TRIM2: variants seen among roughly 807,000 people sequenced by gnomAD.
TRIM2 encodes tripartite motif containing 2.
TRIM2 carries 20 observed loss-of-function variants against 75.2 expected under a neutral mutation model. That is an observed-to-expected ratio of 0.27 (90% CI 0.19 to 0.39). The LOEUF (loss-of-function observed/expected upper bound fraction) is 0.39. TRIM2 is among the 10% of genes least tolerant of loss of function. The pLI, the probability that TRIM2 is intolerant of heterozygous loss-of-function variation, is 1.00. For missense variants in TRIM2, 660 were observed against 990.8 expected (o/e 0.67, Z 4.48); for synonymous variants, 373 against 388.3 (o/e 0.96, Z 0.46).
rs1772644408 is a variant in TRIM2, at chr4:153,337,962, G to A, written c.*2996G>A. ...GTCACTTGACCATCCAGAAATACATGACTACAAGTCCTTTATGACTGTTTG... is the reference window on the plus strand; with the variant it reads ...GTCACTTGACCATCCAGAAATACATAACTACAAGTCCTTTATGACTGTTTG... On this transcript the variant is annotated 3_prime_UTR_variant, in exon 12 of 12. Transcript: ENST00000338700. 6 of 985,684 alleles carry A rather than the reference G, an allele frequency of 6.1e-6. No individual in the cohort carries two copies. Among genetic ancestry groups the A allele is most frequent in the Non-Finnish European group, 7.2e-6 (6 of 829,950 alleles). 61.1% of individuals were successfully genotyped at this position (985,684 alleles called of 1,614,324 possible). A position where few individuals can be genotyped will look rare whatever the true frequency, so the allele number is the denominator to read the frequency against.
At position 153,335,073 on chromosome 4, in the gene TRIM2, A is replaced by G. The variant is rs909605423; in HGVS notation, c.*107A>G. ...TAGAGTTTTTATGCCAGAAGGAATC[A>G]TTGGTGAACTTTCCAAGGTTATTTC... On this transcript the variant is annotated 3_prime_UTR_variant, in exon 12 of 12. Transcript: ENST00000338700. 2.0e-5 allele frequency: 26 copies of G among 1,332,908 alleles called. No homozygotes were observed. The highest frequency in any genetic ancestry group is 2.4e-5 in the Non-Finnish European group (25 of 1,031,370). The allele number at this position is 1,332,908 out of a possible 1,614,324, so 82.6% of individuals were successfully genotyped here.
chr4:153,332,120 G>C (rs1027933416), intron 11 of TRIM2, among the ~76,000 whole-genome samples: 1 of 152,146 alleles, frequency 6.6e-6, no homozygotes, highest in Non-Finnish European at 1.5e-5. Context: ...AGAGTTTTTA[G>C]ACATAATACC....
At chr4:153,239,832 C>CTTT (rs142457664) in intron 1 of TRIM2, among the ~76,000 whole-genome samples, 2,643 of 139,174 alleles carry the variant, frequency 0.019, 49 homozygotes, top group African/African-American at 0.029. Context: ...AACTTTCTTT[C>CTTT]TCTTTTTTTT....
chr4:153,170,199 A>C, intron 1 of TRIM2, among the ~76,000 whole-genome samples: 1 of 152,248 alleles, frequency 6.6e-6, no homozygotes, highest in East Asian at 1.9e-4. Context: ...AGACAAGACA[A>C]GGTTTAATCA....
At chr4:153,292,881 G>C (rs1762096520) in intron 3 of TRIM2, 101 bp from the exon 4 acceptor site, 4 of 1,102,120 alleles carry the variant, frequency 3.6e-6, no homozygotes, top group Non-Finnish European at 1.2e-6. Context: ...TTCTGGGGTG[G>C]CTCTCATTTA....
intron 3 of TRIM2, among the ~76,000 whole-genome samples, chr4:153,292,302 A>AT (rs1227520209): frequency 6.6e-6 from 1 of 151,944 alleles, no homozygotes; most frequent in African/African-American, 2.4e-5. Flanking sequence ...AAACAATACC[A>AT]TTTTTCCCAC....
chr4:153,155,013 A>G (rs1729099854), intron 1 of TRIM2, among the ~76,000 whole-genome samples: 1 of 152,124 alleles, frequency 6.6e-6, no homozygotes, highest in African/African-American at 2.4e-5. Context: ...AATGGTGGGC[A>G]CCTGTAATCC....
intron 1 of TRIM2, among the ~76,000 whole-genome samples, chr4:153,161,548 C>G (rs779550975): frequency 2.6e-5 from 4 of 152,234 alleles, no homozygotes; most frequent in Admixed American, 6.5e-5. Flanking sequence ...TCCTGATATA[C>G]TCTGCATATG....
In TRIM2 at chr4:153,295,419, T is replaced by G; in HGVS notation, c.893T>G (p.Leu298Arg). Residue 298 changes from leucine (L) to arginine (R), a missense_variant, in exon 6 of 12, where the codon CTA (leucine) becomes CGA (arginine). By Grantham distance (102) the Leu-to-Arg change is moderately radical. This residue lies in a region of TRIM2 where 620 missense variants were observed against 891.0 expected (regional missense o/e 0.70). Coordinates refer to ENST00000338700, the MANE Select transcript of TRIM2 (RefSeq NM_015271.5). This position sits in a 1 kb window ranked among gnomAD's most constrained non-coding sequence, Gnocchi z 7.2. ...AACCATGGCACGGAGACCGAGGTCC[T>G]ACTGGTGAAGAAGCAGATGAGCGAG... ...ALNHGTETEV[L>R]LVKKQMSEKL... 1 of 1,614,160 alleles carries G rather than the reference T, an allele frequency of 6.2e-7. No individual in the cohort carries two copies.
rs1772652376 is a variant in TRIM2, at chr4:153,338,026, T to G, written c.*3060T>G. 1 of 985,722 alleles carries G rather than the reference T, an allele frequency of 1.0e-6. No individual in the cohort carries two copies. The highest frequency in any genetic ancestry group is 1.2e-6 in the Non-Finnish European group (1 of 829,930). The allele number at this position is 985,722 out of a possible 1,614,324, so 61.1% of individuals were successfully genotyped here. A position where few individuals can be genotyped will look rare whatever the true frequency, so the allele number is the denominator to read the frequency against. On this transcript the variant is annotated 3_prime_UTR_variant, in exon 12 of 12. Coordinates refer to ENST00000338700, the MANE Select transcript of TRIM2 (RefSeq NM_015271.5). ...TGGTACTTAGTATTTTGATCAAACT[T>G]TAGTCTCCAGAACTAAACAAGTCCC...
intron 1 of TRIM2, among the ~76,000 whole-genome samples, chr4:153,239,893 G>A (rs1245789721): frequency 7.0e-6 from 1 of 143,342 alleles, no homozygotes; most frequent in African/African-American, 2.6e-5. Flanking sequence ...CTGGAGTGCA[G>A]TGGCGTTATC....
At chr4:153,314,552 A>T (rs910431891) in intron 6 of TRIM2, among the ~76,000 whole-genome samples, 1 of 151,898 alleles carries the variant, frequency 6.6e-6, no homozygotes, top group African/African-American at 2.4e-5. Flanking sequence ...GTTTGAGACC[A>T]GCCTGGGCAA....
intron 1 of TRIM2, among the ~76,000 whole-genome samples, chr4:153,174,501 G>A (rs1731215941): frequency 6.6e-6 from 1 of 152,162 alleles, no homozygotes; most frequent in South Asian, 2.1e-4. Context: ...GGTGTGCAAA[G>A]GAGCAGGGCC....
At chr4:153,329,845 A>T (rs10029555) in intron 11 of TRIM2, among the ~76,000 whole-genome samples, 4,038 of 145,604 alleles carry the variant, frequency 0.028, 115 homozygotes, top group East Asian at 0.076. Flanking sequence ...TCAAAAAATT[A>T]AAAAAAAAAA....
chr4:153,236,498 A>C (rs1453295901), intron 1 of TRIM2, among the ~76,000 whole-genome samples: 1 of 152,002 alleles, frequency 6.6e-6, no homozygotes, highest in East Asian at 1.9e-4. Flanking sequence ...TTAGTGATCT[A>C]CTTTTTTTAA....
intron 1 of TRIM2, among the ~76,000 whole-genome samples, chr4:153,264,848 C>T (rs1196417793): frequency 6.6e-6 from 1 of 152,098 alleles, no homozygotes; most frequent in Non-Finnish European, 1.5e-5. Flanking sequence ...GATTGGAAAC[C>T]TTTTGTGTCG....
At chr4:153,307,882 GGGA>G in intron 6 of TRIM2, 1 of 746,964 alleles carries the variant, frequency 1.3e-6, no homozygotes, top group Non-Finnish European at 2.5e-6. Flanking sequence ...ACTTCATTGT[GGGA>G]GACCATGATT....
chr4:153,283,426 A>G (rs1255546498), intron 3 of TRIM2, among the ~76,000 whole-genome samples: 2 of 152,240 alleles, frequency 1.3e-5, no homozygotes, highest in Non-Finnish European at 2.9e-5. Flanking sequence ...TTATATAGAT[A>G]TACCACAATT....
chr4:153,338,092 CAAAT>C lies in TRIM2; in HGVS notation c.*3132_*3135del. ...TAATTTACTGTGACTAGATTTGAAG[CAAAT>C]AAATACTCCAGATCCATGCAGCTAG... On this transcript the variant is annotated 3_prime_UTR_variant, in exon 12 of 12. Coordinates refer to ENST00000338700, the MANE Select transcript of TRIM2 (RefSeq NM_015271.5). The C allele has an allele frequency of 1.0e-6, 1 of 985,780 alleles. No individual in the cohort carries two copies. The highest frequency in any genetic ancestry group is 1.1e-4 in the East Asian group (1 of 8,814). The allele number at this position is 985,780 out of a possible 1,614,324, so 61.1% of individuals were successfully genotyped here.
Sources: gnomAD v4.1 joint callset for allele counts (sites outside exome capture counted in the v4.1 genomes callset) on GRCh38, gnomAD v4.1.1 for gene constraint, gnomAD v4.1.1 regional missense constraint, Gnocchi (gnomAD v3.1) non-coding constraint, MANE v1.5 for transcripts, NCBI Gene and HGNC (gene_info 2026-07-23, HGNC 2026-07-21) for gene names.